The following SGCD variants were observed in gnomAD, a reference collection of about 807,000 sequenced individuals.
SGCD encodes the protein delta-sarcoglycan.
In SGCD, 18 loss-of-function variants were observed where a neutral mutation model predicts 36.6. The observed-to-expected ratio is 0.49, with a 90% CI of 0.34 to 0.73. The LOEUF (loss-of-function observed/expected upper bound fraction) is 0.73, where lower values mean the gene tolerates loss of function less well. Ranked by LOEUF, SGCD falls within the 30% of genes least tolerant of loss-of-function variation. The probability of loss-of-function intolerance (pLI) is 0.01; values close to 1 mark genes in which losing one functional copy is unlikely to be tolerated. For missense variants in SGCD, 387 were observed against 346.7 expected, an observed-to-expected ratio of 1.12 and a Z score of -0.92; for synonymous variants, 133 against 130.6, an observed-to-expected ratio of 1.02 and a Z score of -0.12.
At chr5:155,873,092 A>G (rs1038300570) in intron 1 of SGCD, among the ~76,000 whole-genome samples, 1 of 152,144 alleles carries the variant, frequency 6.6e-6, no homozygotes, top group Non-Finnish European at 1.5e-5. Context: ...GATCAAGGCT[A>G]CAGTGCCCCA....
chr5:156,480,899 A>G (rs996601917), intron 3 of SGCD, among the ~76,000 whole-genome samples: 5 of 152,212 alleles, frequency 3.3e-5, no homozygotes, highest in East Asian at 1.9e-4. Context: ...ACAGAATACT[A>G]TGTAAAAGGT....
At chr5:155,786,059 C>CT in the SGCD span, among the ~76,000 whole-genome samples, 13 of 152,094 alleles carry the variant, frequency 8.5e-5, no homozygotes, top group Non-Finnish European at 1.3e-4. Flanking sequence ...TATTTTCTCT[C>CT]TAACTGTGCT....
At chr5:155,925,930 T>G (rs561082301) in intron 1 of SGCD, among the ~76,000 whole-genome samples, 9 of 152,158 alleles carry the variant, frequency 5.9e-5, no homozygotes, top group Non-Finnish European at 8.8e-5. Context: ...ACTTTTTTTT[T>G]TTTGTTTTGT....
intron 1 of SGCD, among the ~76,000 whole-genome samples, chr5:155,966,504 G>A (rs1044834814): frequency 3.9e-5 from 6 of 152,124 alleles, no homozygotes; most frequent in African/African-American, 1.2e-4. Flanking sequence ...TTTCATGATG[G>A]CATTTGGCAG....
intron 7 of SGCD, among the ~76,000 whole-genome samples, chr5:156,701,868 T>C (rs1489768990): frequency 4.6e-5 from 7 of 152,232 alleles, no homozygotes; most frequent in Non-Finnish European, 7.3e-5. Context: ...GAATTGACTA[T>C]GGTTTTTCTT....
intron 3 of SGCD, among the ~76,000 whole-genome samples, chr5:156,286,593 A>G (rs1317966670): frequency 6.6e-6 from 1 of 152,156 alleles, no homozygotes; most frequent in Non-Finnish European, 1.5e-5. Flanking sequence ...CAAACACCGC[A>G]TGTTCTCACT....
intron 3 of SGCD, among the ~76,000 whole-genome samples, chr5:156,408,915 G>A (rs1504928): frequency 0.59 from 90,073 of 151,978 alleles, 27,139 homozygotes; most frequent in Middle Eastern, 0.71. Context: ...CTATATAAAG[G>A]GGGGTAATAG....
At chr5:155,836,473 C>T in the SGCD span, among the ~76,000 whole-genome samples, 26 of 114,480 alleles carry the variant, frequency 2.3e-4, 2 homozygotes, top group African/African-American at 7.7e-4. Context: ...GATACCCACC[C>T]CCGCCCCGCA....
intron 3 of SGCD, among the ~76,000 whole-genome samples, chr5:156,140,309 A>G (rs373637903): frequency 1.7e-4 from 26 of 152,328 alleles, no homozygotes; most frequent in African/African-American, 5.8e-4. Context: ...TGAACTGAGC[A>G]TTAAGGGTGC....
chr5:155,877,056 G>A (rs1755781747), intron 1 of SGCD, among the ~76,000 whole-genome samples: 1 of 151,972 alleles, frequency 6.6e-6, no homozygotes, highest in African/African-American at 2.4e-5. Flanking sequence ...TTAAACATCA[G>A]CTATCTTTTA....
the SGCD span, among the ~76,000 whole-genome samples, chr5:155,819,528 A>G: frequency 6.6e-6 from 1 of 152,228 alleles, no homozygotes; most frequent in Admixed American, 6.5e-5. Context: ...TGTGGATTAA[A>G]TCACATAATC....
chr5:156,258,527 A>C (rs1765770143), intron 3 of SGCD, among the ~76,000 whole-genome samples: 2 of 152,192 alleles, frequency 1.3e-5, no homozygotes, highest in South Asian at 4.1e-4. Context: ...TCAAACAAAA[A>C]TAGCCACGAT....
chr5:156,489,875 A>G (rs907005704), intron 3 of SGCD, among the ~76,000 whole-genome samples: 9 of 152,124 alleles, frequency 5.9e-5, no homozygotes, highest in Middle Eastern at 6.8e-3. Flanking sequence ...AAAGATCACA[A>G]TAGAACTAAA....
chr5:155,801,666 GAAT>G, the SGCD span, among the ~76,000 whole-genome samples: 1 of 152,102 alleles, frequency 6.6e-6, no homozygotes, highest in Non-Finnish European at 1.5e-5. Flanking sequence ...AGTTCCTTAG[GAAT>G]AATAATAGTC....
intron 1 of SGCD, among the ~76,000 whole-genome samples, chr5:155,983,745 T>G (rs1758275274): frequency 6.6e-6 from 1 of 152,246 alleles, no homozygotes; most frequent in Non-Finnish European, 1.5e-5. Context: ...TTTAGAAGAA[T>G]GACAAATTTG....
intron 7 of SGCD, among the ~76,000 whole-genome samples, chr5:156,698,034 T>C (rs1754388543): frequency 1.3e-5 from 2 of 152,208 alleles, no homozygotes; most frequent in African/African-American, 4.8e-5. Context: ...TCTCTGGGCA[T>C]AGTGGCTCAT....
intron 1 of SGCD, among the ~76,000 whole-genome samples, chr5:155,870,816 G>A (rs183909748): frequency 6.2e-4 from 94 of 152,160 alleles, no homozygotes; most frequent in African/African-American, 1.9e-3. Flanking sequence ...ACGTCTTTTT[G>A]CAGGTGACCC....
chr5:156,032,706 CAAAAAAAAAAAAAAAAAA>C (rs1171072619), intron 1 of SGCD, among the ~76,000 whole-genome samples: 1 of 15,062 alleles, frequency 6.6e-5, no homozygotes, highest in Non-Finnish European at 1.6e-4. Context: ...GACTCCGTCT[CAAAAAAAAAAAAAAAAAA>C]AAAAAAAAAA....
rs113243314 is a variant in SGCD at position 156,588,988 on chromosome 5, TTG to T, written c.295-208_295-207del. 0.042 allele frequency among the ~76,000 whole-genome samples: 6,017 copies of T among 142,780 alleles called. 153 individuals are homozygous for T. The highest frequency in any genetic ancestry group is 0.12 in the East Asian group (566 of 4,860). 93.7% of individuals were successfully genotyped at this position (142,780 alleles called of 152,430 possible). A position where few individuals can be genotyped will look rare whatever the true frequency, so the allele number is the denominator to read the frequency against. On this transcript the variant is annotated intron_variant, in intron 4 of 8. Transcript: ENST00000337851. The stretch of plus-strand genomic sequence containing the variant: ...TGTGTGTGTTCTGGGGGAATCTATA[TTG>T]TGTGTGTGTGTGTGTGTGTGTGTGT...
Sources: gnomAD v4.1 joint callset for allele counts (sites outside exome capture counted in the v4.1 genomes callset) on GRCh38, gnomAD v4.1.1 for gene constraint, MANE v1.5 for transcripts, NCBI Gene and HGNC (gene_info 2026-07-23, HGNC 2026-07-21) for gene names.